Variants in COL7A1 observed in about 807,000 individuals in gnomAD.
The protein encoded by COL7A1 is collagen alpha-1(VII) chain.
COL7A1 carries 296 observed loss-of-function variants against 456.2 expected under a neutral mutation model. That is an observed-to-expected ratio of 0.65 (90% CI 0.59 to 0.71). COL7A1 has a LOEUF of 0.71. Ranked by LOEUF, COL7A1 falls within the 30% of genes least tolerant of loss-of-function variation. The pLI is 0.00. For synonymous variants in COL7A1, 1,464 were observed against 1,525.9 expected, an observed-to-expected ratio of 0.96 and a Z score of 0.95; for missense variants, 3,441 against 4,017.2, an observed-to-expected ratio of 0.86 and a Z score of 3.88.
In COL7A1 at chr3:48,593,467, G is replaced by A; in HGVS notation, c.427-18C>T. On this transcript the variant is annotated intron_variant, in intron 4 of 118. Coordinates refer to ENST00000681320, the MANE Select transcript of COL7A1 (RefSeq NM_000094.4). This position sits in a 1 kb window ranked among gnomAD's most constrained non-coding sequence, Gnocchi z 4.4. ...ATGCAGACCTGGGACAGGTGCAGGGGTCAAATCACGGTTCCCCTGGACACT... is the reference window on the plus strand; with the variant it reads ...ATGCAGACCTGGGACAGGTGCAGGGATCAAATCACGGTTCCCCTGGACACT... 5 of 1,614,034 alleles carry A rather than the reference G, an allele frequency of 3.1e-6. No homozygotes were observed. The highest frequency in any genetic ancestry group is 4.2e-6 in the Non-Finnish European group (5 of 1,179,994).
In COL7A1 at chr3:48,571,869, C is replaced by A; in HGVS notation, c.7068+132G>T. 9.1e-7 allele frequency: 1 copy of A among 1,104,952 alleles called. No individual in the cohort carries two copies. The allele number at this position is 1,104,952 out of a possible 1,614,324, so 68.4% of individuals were successfully genotyped here. A position where few individuals can be genotyped will look rare whatever the true frequency, so the allele number is the denominator to read the frequency against. ...GTGTGGCTCCCTGTGATCCAGAGAGCAGGCTCCTGGATGTTGGGACATGCA... is the reference window on the plus strand; with the variant it reads ...GTGTGGCTCCCTGTGATCCAGAGAGAAGGCTCCTGGATGTTGGGACATGCA... On this transcript the variant is annotated intron_variant, in intron 92 of 118. Coordinates refer to ENST00000681320, the MANE Select transcript of COL7A1 (RefSeq NM_000094.4). The surrounding 1 kb of genome is among the most constrained non-coding windows in gnomAD (Gnocchi z 4.6).
rs1291988811 is a variant in COL7A1 at position 48,583,098 on chromosome 3, GC to G, written c.4482+28del. The G allele has an allele frequency of 1.2e-6, 2 of 1,613,974 alleles. No homozygotes were observed. The highest frequency in any genetic ancestry group is 3.3e-5 in the Admixed American group (2 of 60,010). The stretch of plus-strand genomic sequence containing the variant: ...CTGAGTTGGGCCCAGATCCTCCAGG[GC>G]CCTTGGCACCCCCCAGGTTGCACTT... On this transcript the variant is annotated intron_variant, in intron 43 of 118. Coordinates refer to ENST00000681320, the MANE Select transcript of COL7A1 (RefSeq NM_000094.4). The surrounding 1 kb of genome is among the most constrained non-coding windows in gnomAD (Gnocchi z 5.1).
chr3:48,578,887 C>T lies in COL7A1; in HGVS notation c.5424+32G>A, dbSNP rs200349927. ...TGGTTGGAGCTTACGCAGCCCCGAG[C>T]CCCCTCTGTCCCAGCATCTCCCCTC... On this transcript the variant is annotated intron_variant, in intron 63 of 118. Coordinates refer to ENST00000681320, the MANE Select transcript of COL7A1 (RefSeq NM_000094.4). The surrounding 1 kb of genome is among the most constrained non-coding windows in gnomAD (Gnocchi z 4.7). The T allele has an allele frequency of 6.8e-6, 11 of 1,607,078 alleles. No homozygotes were observed. The East Asian group carries it at 2.5e-4, about 36-fold the overall frequency.
rs1448951695 is a variant in COL7A1, at chr3:48,586,629, C to A, written c.3337G>T (p.Asp1113Tyr). ...SPLFPLNGSH[D>Y]LGIILQRIRD... ...ATCCTTTGCAAGATAATGCCAAGGT[C>A]ATGGGAGCCATTCAGTGGGAACAGT... The change falls in exon 26 of 119, where the codon GAC (aspartate) becomes TAC (tyrosine). Residue 1113 changes from aspartate to tyrosine, a missense_variant. This residue lies in a region of COL7A1 where 444 missense variants were observed against 427.6 expected (regional missense o/e 1.04). Coordinates refer to ENST00000681320, the MANE Select transcript of COL7A1 (RefSeq NM_000094.4). This position sits in a 1 kb window ranked among gnomAD's most constrained non-coding sequence, Gnocchi z 5.1. 2 of 1,613,588 alleles carry A rather than the reference C, an allele frequency of 1.2e-6. No individual in the cohort carries two copies. The highest frequency in any genetic ancestry group is 1.7e-5 in the Admixed American group (1 of 60,014).
At position 48,574,671 on chromosome 3, in the gene COL7A1, C is replaced by A. The variant is rs747409117; in HGVS notation, c.6393+6G>T. 3.7e-6 allele frequency: 6 copies of A among 1,613,814 alleles called. No individual in the cohort carries two copies. In the African/African-American group the frequency reaches 8.0e-5, roughly 22 times the overall value. ...GACTCTATGGAAGGGTGGAGAGAGG[C>A]CTCACCCTGTCTCCTTTGGGACCTT... On this transcript the variant is annotated splice_donor_region_variant and intron_variant, in intron 78 of 118. Transcript: ENST00000681320. This position sits in a 1 kb window ranked among gnomAD's most constrained non-coding sequence, Gnocchi z 5.0.
At chr3:48,577,740 C>T (rs1421112489) in intron 65 of COL7A1, among the ~76,000 whole-genome samples, 1 of 152,188 alleles carries the variant, frequency 6.6e-6, no homozygotes, top group Non-Finnish European at 1.5e-5. Context: ...TTGTGCCTGT[C>T]GACCTGTCTG....
intron 44 of COL7A1, 62 bp from the exon 45 acceptor site, chr3:48,582,715 G>A (rs1202318209): frequency 1.9e-6 from 3 of 1,574,822 alleles, no homozygotes; most frequent in African/African-American, 1.4e-5. Context: ...GGACAGACAG[G>A]GCTAGAGGCT....
Position 48,581,808 on chromosome 3 carries a change from C to G in COL7A1, c.4669-49G>C. The G allele has an allele frequency of 6.2e-7, 1 of 1,613,684 alleles. No individual in the cohort carries two copies. The highest frequency in any genetic ancestry group is 1.3e-5 in the African/African-American group (1 of 75,010). ...TGCTAGTCCCAGGCTCCAGTTAACC[C>G]CCTGACCCAGCAAGTCCTGTGACCC... On this transcript the variant is annotated intron_variant, in intron 48 of 118. Coordinates refer to ENST00000681320, the MANE Select transcript of COL7A1 (RefSeq NM_000094.4). The surrounding 1 kb of genome is among the most constrained non-coding windows in gnomAD (Gnocchi z 5.8).
In COL7A1 at chr3:48,571,608, C is replaced by A. The variant is rs76061303; in HGVS notation, c.7069-330G>T. The A allele has an allele frequency of 0.014, 9,064 of 660,808 alleles. 186 individuals carry two copies. Among genetic ancestry groups the A allele is most frequent in the Non-Finnish European group, 0.012 (4,244 of 348,716 alleles). 40.9% of individuals were successfully genotyped at this position (660,808 alleles called of 1,614,324 possible). A position where few individuals can be genotyped will look rare whatever the true frequency, so the allele number is the denominator to read the frequency against. ...GCTCAGAGGGGAACCCCAACACGTC[C>A]ACTCCCGGGTAGAGCAGGCATGGCC... On this transcript the variant is annotated intron_variant, in intron 92 of 118. Transcript: ENST00000681320. The surrounding 1 kb of genome is among the most constrained non-coding windows in gnomAD (Gnocchi z 4.6).
rs748398314 is a variant in COL7A1, at chr3:48,588,726, C to T, written c.2503G>A (p.Glu835Lys). Residue 835 changes from glutamate (E) to lysine (K), a missense_variant, in exon 20 of 119, where the codon GAA (glutamate) becomes AAA (lysine). By Grantham distance (56) the Glu-to-Lys change is moderately conservative. This residue lies in a region of COL7A1 where 444 missense variants were observed against 427.6 expected (regional missense o/e 1.04). Coordinates refer to ENST00000681320, the MANE Select transcript of COL7A1 (RefSeq NM_000094.4). The surrounding 1 kb of genome is among the most constrained non-coding windows in gnomAD (Gnocchi z 4.6). ...CGCACTGAGTAGCTGACTCCACCTT[C>T]GAGACCCCGGATCTCTGCAGAGTCT... ...NTDSAEIRGLEGGVSYSVRVT... is the reference protein window; with the variant it reads ...NTDSAEIRGLKGGVSYSVRVT... 7.9e-5 allele frequency: 128 copies of T among 1,613,786 alleles called. No homozygotes were observed. The highest frequency in any genetic ancestry group is 9.9e-5 in the Non-Finnish European group (117 of 1,180,052).
chr3:48,568,387 C>T lies in COL7A1; in HGVS notation c.7794+112G>A. 1 of 1,193,038 alleles carries T rather than the reference C, an allele frequency of 8.4e-7. No homozygotes were observed. Among genetic ancestry groups the T allele is most frequent in the Non-Finnish European group, 1.2e-6 (1 of 825,436 alleles). 73.9% of individuals were successfully genotyped at this position (1,193,038 alleles called of 1,614,324 possible). On this transcript the variant is annotated intron_variant, in intron 105 of 118. Transcript: ENST00000681320. This position sits in a 1 kb window ranked among gnomAD's most constrained non-coding sequence, Gnocchi z 5.2. ...GGGACCCTGGGTGACATGAGGACAC[C>T]ATGAGAGCACTGGGTCACTATAAGG...
rs2043687627 is a variant in COL7A1, at chr3:48,568,085, C to T, written c.7875+5G>A. On this transcript the variant is annotated splice_donor_5th_base_variant and intron_variant, in intron 106 of 118. Coordinates refer to ENST00000681320, the MANE Select transcript of COL7A1 (RefSeq NM_000094.4). The surrounding 1 kb of genome is among the most constrained non-coding windows in gnomAD (Gnocchi z 5.2). ...AGAAAAAAACCAATCTTGTTTCTTTCCTACCTTGAGGCCCCGGGGACCCAT... is the reference window on the plus strand; with the variant it reads ...AGAAAAAAACCAATCTTGTTTCTTTTCTACCTTGAGGCCCCGGGGACCCAT... The T allele has an allele frequency of 6.2e-7, 1 of 1,614,190 alleles. No homozygotes were observed. Among genetic ancestry groups the T allele is most frequent in the Non-Finnish European group, 8.5e-7 (1 of 1,180,020 alleles).
rs1048070518 is a variant in COL7A1, at chr3:48,575,825, G to C, written c.5856+42C>G. ...TGCCTGTGGGCACCACTAGCCCCAA[G>C]GGCCCCCACTTGTCCCTACCCCCAG... On this transcript the variant is annotated intron_variant, in intron 72 of 118. Coordinates refer to ENST00000681320, the MANE Select transcript of COL7A1 (RefSeq NM_000094.4). The surrounding 1 kb of genome is among the most constrained non-coding windows in gnomAD (Gnocchi z 6.3). 1 of 1,614,056 alleles carries C rather than the reference G, an allele frequency of 6.2e-7. No individual in the cohort carries two copies. Among genetic ancestry groups the C allele is most frequent in the East Asian group, 2.2e-5 (1 of 44,856 alleles).
In COL7A1 at chr3:48,588,742, TG is replaced by T; in HGVS notation, c.2486del (p.Ala829GlufsTer16). On this transcript the variant is annotated frameshift_variant, in exon 20 of 119. Coordinates refer to ENST00000681320, the MANE Select transcript of COL7A1 (RefSeq NM_000094.4). LOFTEE classifies it high-confidence loss of function. The surrounding 1 kb of genome is among the most constrained non-coding windows in gnomAD (Gnocchi z 4.6). ...HQILPGNTDS[A>X]EIRGLEGGVS... The stretch of plus-strand genomic sequence containing the variant: ...CTCCACCTTCGAGACCCCGGATCTC[TG>T]CAGAGTCTGTGTTTCCTGGGAGTAT... The T allele has an allele frequency of 6.2e-7, 1 of 1,613,898 alleles. No homozygotes were observed. Among genetic ancestry groups the T allele is most frequent in the Non-Finnish European group, 8.5e-7 (1 of 1,180,050 alleles).
In COL7A1 at chr3:48,567,458, C is replaced by T; in HGVS notation, c.8046+116G>A. ...ACCTCGAGACCAGCCCCACTTCAGC[C>T]CCCAAAGTCCCAACCCTCTACAGCC... is the stretch of plus-strand genomic sequence containing the variant. On this transcript the variant is annotated intron_variant, in intron 109 of 118. Coordinates refer to ENST00000681320, the MANE Select transcript of COL7A1 (RefSeq NM_000094.4). The surrounding 1 kb of genome is among the most constrained non-coding windows in gnomAD (Gnocchi z 4.3). 6.9e-7 allele frequency: 1 copy of T among 1,446,514 alleles called. No individual in the cohort carries two copies. The highest frequency in any genetic ancestry group is 1.1e-5 in the South Asian group (1 of 87,438). The allele number at this position is 1,446,514 out of a possible 1,614,324, so 89.6% of individuals were successfully genotyped here. A position where few individuals can be genotyped will look rare whatever the true frequency, so the allele number is the denominator to read the frequency against.
In COL7A1 at chr3:48,574,558, C is replaced by CA. The variant is rs1326493816; in HGVS notation, c.6394-9dup. 6.2e-7 allele frequency: 1 copy of CA among 1,613,934 alleles called. No individual in the cohort carries two copies. The highest frequency in any genetic ancestry group is 8.5e-7 in the Non-Finnish European group (1 of 1,180,028). On this transcript the variant is annotated splice_polypyrimidine_tract_variant and intron_variant, in intron 78 of 118. Coordinates refer to ENST00000681320, the MANE Select transcript of COL7A1 (RefSeq NM_000094.4). The surrounding 1 kb of genome is among the most constrained non-coding windows in gnomAD (Gnocchi z 5.0). ...TTTGATGCCTGGCACACCCTGAAGG[C>CA]AGAGTGTCGTGCCCTGAGCCCCCAG...
Position 48,592,240 on chromosome 3 carries a change from TGGGCCCACCTGCATG to T in COL7A1, c.1094-7_1101del, listed in dbSNP as rs2045755933. ...CCAGGGCCCAGCTCCTGCTGCTGTG[TGGGCCCACCTGCATG>T]GGGGACACCAAGGGGCCAGTGGGCC... On this transcript the variant is annotated splice_acceptor_variant and splice_polypyrimidine_tract_variant and coding_sequence_variant and intron_variant, in exon 10 of 119. Coordinates refer to ENST00000681320, the MANE Select transcript of COL7A1 (RefSeq NM_000094.4). LOFTEE classifies it high-confidence loss of function. The surrounding 1 kb of genome is among the most constrained non-coding windows in gnomAD (Gnocchi z 7.6). 6.2e-7 allele frequency: 1 copy of T among 1,613,582 alleles called. No individual in the cohort carries two copies. The highest frequency in any genetic ancestry group is 8.5e-7 in the Non-Finnish European group (1 of 1,179,950).
Position 48,569,979 on chromosome 3 carries a change from G to A in COL7A1, c.7486-64C>T, listed in dbSNP as rs1021879605. On this transcript the variant is annotated intron_variant, in intron 99 of 118. Coordinates refer to ENST00000681320, the MANE Select transcript of COL7A1 (RefSeq NM_000094.4). The surrounding 1 kb of genome is among the most constrained non-coding windows in gnomAD (Gnocchi z 4.9). The stretch of plus-strand genomic sequence containing the variant: ...GGCAGTGGAGGACGGAGGAGGATCA[G>A]GGGGAGGAGGGAAACAGTGGGGACC... The A allele has an allele frequency of 1.8e-4, 282 of 1,609,250 alleles. No homozygotes were observed. Among genetic ancestry groups the A allele is most frequent in the Non-Finnish European group, 2.3e-4 (274 of 1,176,498 alleles).
chr3:48,570,975 T>C lies in COL7A1; in HGVS notation c.7165-7A>G. 4 of 1,612,966 alleles carry C rather than the reference T, an allele frequency of 2.5e-6. No homozygotes were observed. In the South Asian group the frequency reaches 4.4e-5, roughly 18 times the overall value. ...CAGGGAGGCCCAGATCTCCCTGAAA[T>C]AAAAACAGCAAAGGGAGGGAATGGT... On this transcript the variant is annotated splice_region_variant and splice_polypyrimidine_tract_variant and intron_variant, in intron 94 of 118. Transcript: ENST00000681320. The surrounding 1 kb of genome is among the most constrained non-coding windows in gnomAD (Gnocchi z 5.5).
Sources: gnomAD v4.1 joint callset for allele counts (sites outside exome capture counted in the v4.1 genomes callset) on GRCh38, gnomAD v4.1.1 for gene constraint, gnomAD v4.1.1 regional missense constraint, Gnocchi (gnomAD v3.1) non-coding constraint, MANE v1.5 for transcripts, NCBI Gene and HGNC (gene_info 2026-07-23, HGNC 2026-07-21) for gene names.